ELAPOR1: variants seen among roughly 807,000 people sequenced by gnomAD.
ELAPOR1 encodes the protein endosome/lysosome-associated apoptosis and autophagy regulator 1.
Under a neutral mutation model 119.7 loss-of-function variants are expected in ELAPOR1, and 77 were observed. That is an observed-to-expected ratio of 0.64 (90% confidence interval 0.54 to 0.78). The LOEUF is 0.78. ELAPOR1 is among the 30% of genes least tolerant of loss of function. The pLI, the probability that ELAPOR1 is intolerant of heterozygous loss-of-function variation, is 0.00. For missense variants in ELAPOR1, 1,115 were observed against 1,270.4 expected, an observed-to-expected ratio of 0.88 and a Z score of 1.86; for synonymous variants, 481 against 487.2, an observed-to-expected ratio of 0.99 and a Z score of 0.17.
chr1:109,202,279 AT>A (rs1227159194), intron 21 of ELAPOR1, among the ~76,000 whole-genome samples: 136 of 143,330 alleles, frequency 9.5e-4, no homozygotes, highest in Admixed American at 9.8e-4. Flanking sequence ...CACCTGGCTA[AT>A]TTTTTTTTTT....
At chr1:109,131,704 C>T (rs146347852) in intron 1 of ELAPOR1, among the ~76,000 whole-genome samples, 7 of 152,188 alleles carry the variant, frequency 4.6e-5, no homozygotes, top group Admixed American at 1.3e-4. Flanking sequence ...GAGGGCTTTG[C>T]GTTTGCAACT....
In ELAPOR1 at chr1:109,200,718, ATCC is replaced by A. The variant is rs753860671; in HGVS notation, c.2808-12_2808-10del. 1.2e-6 allele frequency: 2 copies of A among 1,609,206 alleles called. No individual in the cohort carries two copies. The highest frequency in any genetic ancestry group is 1.7e-4 in the Middle Eastern group (1 of 6,038). ...CACATTTTGGGATCTTGTCTTTCCC[ATCC>A]TCCTGTTTTATAGACTAGAGTACAA... On this transcript the variant is annotated splice_polypyrimidine_tract_variant and intron_variant, in intron 20 of 21. Transcript: ENST00000369939.
At position 109,188,268 on chromosome 1, in the gene ELAPOR1, A is replaced by C. The variant is rs1316565338; in HGVS notation, c.1133A>C (p.His378Pro). Residue 378 changes from histidine (H) to proline (P), a missense_variant, in exon 9 of 22, where the codon CAC becomes CCC. Transcript: ENST00000369939. ...CTGCCTGCCTCTGGTGTGAAGACCCACTGCCCACCCTGCAACCCAGGCTTC... is the reference window on the plus strand; with the variant it reads ...CTGCCTGCCTCTGGTGTGAAGACCCCCTGCCCACCCTGCAACCCAGGCTTC... Reference protein sequence around the residue: ...VKLPASGVKTHCPPCNPGFFK... With the variant: ...VKLPASGVKTPCPPCNPGFFK... The C allele has an allele frequency of 2.5e-6, 4 of 1,614,154 alleles. No individual in the cohort carries two copies. The South Asian group carries it at 4.4e-5, about 18-fold the overall frequency.
chr1:109,164,733 G>A, intron 3 of ELAPOR1, 42 bp downstream of exon 3: 1 of 1,569,158 alleles, frequency 6.4e-7, no homozygotes. Flanking sequence ...AGCCCACTGG[G>A]TAAGGGGCTA....
At position 109,131,611 on chromosome 1, in the gene ELAPOR1, G is replaced by T; in HGVS notation, c.153+17275G>T. On this transcript the variant is annotated intron_variant, in intron 1 of 21. Transcript: ENST00000369939. ...ATGAATTGGTCCAGTGCTTGCCCTCGAGGGGTTTACAGGTTAGTGAGGGAA... is the reference window on the plus strand; with the variant it reads ...ATGAATTGGTCCAGTGCTTGCCCTCTAGGGGTTTACAGGTTAGTGAGGGAA... Among the ~76,000 whole-genome samples, 3 of 152,246 alleles carry T rather than the reference G, an allele frequency of 2.0e-5. 1 individual carries two copies. Among genetic ancestry groups the T allele is most frequent in the South Asian group, 2.1e-4 (1 of 4,826 alleles).
intron 7 of ELAPOR1, among the ~76,000 whole-genome samples, chr1:109,180,771 T>A (rs1335510397): frequency 6.6e-6 from 1 of 152,012 alleles, no homozygotes; most frequent in Non-Finnish European, 1.5e-5. Context: ...TTGAGACCAG[T>A]CTGGGTAATA....
intron 11 of ELAPOR1, among the ~76,000 whole-genome samples, chr1:109,189,970 G>GA (rs916859211): frequency 6.6e-6 from 1 of 151,398 alleles, no homozygotes; most frequent in Admixed American, 6.6e-5. Flanking sequence ...CTTAAGATTA[G>GA]AAAAAAAATA....
chr1:109,164,736 A>T, intron 3 of ELAPOR1, 45 bp downstream of exon 3: 1 of 1,538,218 alleles, frequency 6.5e-7, no homozygotes, highest in South Asian at 1.2e-5. Context: ...CCACTGGGTA[A>T]GGGGCTACAG....
chr1:109,189,768 C>T, intron 11 of ELAPOR1, 86 bp downstream of exon 11: 1 of 951,672 alleles, frequency 1.1e-6, no homozygotes, highest in South Asian at 1.4e-5. Flanking sequence ...GAGGAGAGGG[C>T]TTCCGGGGTT....
chr1:109,202,467 G>C (rs948490519), intron 21 of ELAPOR1, among the ~76,000 whole-genome samples: 1 of 145,538 alleles, frequency 6.9e-6, no homozygotes, highest in Admixed American at 6.9e-5. Context: ...TTGAGACAGA[G>C]TTTCGCTCTT....
intron 11 of ELAPOR1, 119 bp from the exon 12 acceptor site, chr1:109,191,247 C>T (rs1053670588): frequency 1.2e-5 from 8 of 659,126 alleles, no homozygotes; most frequent in African/African-American, 3.6e-5. Flanking sequence ...TTAGTCCACA[C>T]GCTTTCCATC....
At chr1:109,130,280 G>T (rs879541837) in intron 1 of ELAPOR1, among the ~76,000 whole-genome samples, 3 of 152,142 alleles carry the variant, frequency 2.0e-5, no homozygotes, top group Non-Finnish European at 4.4e-5. Context: ...ACGTAGTATA[G>T]ACTCAATAAG....
intron 1 of ELAPOR1, among the ~76,000 whole-genome samples, chr1:109,143,035 C>T (rs763509983): frequency 3.9e-5 from 6 of 152,026 alleles, no homozygotes; most frequent in African/African-American, 1.2e-4. Context: ...CTGCAACCTC[C>T]GGCTTCCGGG....
chr1:109,141,503 T>G (rs545994132), intron 1 of ELAPOR1, among the ~76,000 whole-genome samples: 9 of 150,762 alleles, frequency 6.0e-5, no homozygotes, highest in Non-Finnish European at 1.2e-4. Flanking sequence ...CATCGTGATC[T>G]GCCCGCCTCA....
rs148027376 is a variant in ELAPOR1 at position 109,152,587 on chromosome 1, C to A, written c.154-9307C>A. Among the ~76,000 whole-genome samples, 219 of 152,124 alleles carry A rather than the reference C, an allele frequency of 1.4e-3. 4 individuals are homozygous for A. The South Asian group carries it at 0.028, about 20-fold the overall frequency. ...TGTTAATGTTTTACTCAAATATAGC[C>A]ATTTATCAAAATTGTGGAGTTAATA... On this transcript the variant is annotated intron_variant, in intron 1 of 21. Coordinates refer to ENST00000369939, the MANE Select transcript of ELAPOR1 (RefSeq NM_020775.5).
At chr1:109,164,400 C>A in intron 2 of ELAPOR1, 99 bp from the exon 3 acceptor site, 1 of 1,015,970 alleles carries the variant, frequency 9.8e-7, no homozygotes, top group Non-Finnish European at 1.5e-6. Context: ...AACTCCTAGA[C>A]CCCAACCCAG....
At chr1:109,123,376 A>G (rs1242421727) in intron 1 of ELAPOR1, among the ~76,000 whole-genome samples, 1 of 152,252 alleles carries the variant, frequency 6.6e-6, no homozygotes, top group Non-Finnish European at 1.5e-5. Context: ...CCTACTTTAC[A>G]GTATGCCACA....
At chr1:109,171,605 G>GTAGC (rs1651932229) in intron 3 of ELAPOR1, among the ~76,000 whole-genome samples, 1 of 152,036 alleles carries the variant, frequency 6.6e-6, no homozygotes, top group African/African-American at 2.4e-5. Context: ...CGTATCCCAG[G>GTAGC]TAGCTCTGCA....
chr1:109,169,518 C>T lies in ELAPOR1; in HGVS notation c.468-2348C>T, dbSNP rs538091711. Among the ~76,000 whole-genome samples, 296 of 152,194 alleles carry T rather than the reference C, an allele frequency of 1.9e-3. 1 individual carries two copies. Among genetic ancestry groups the T allele is most frequent in the South Asian group, 0.016 (76 of 4,808 alleles). On this transcript the variant is annotated intron_variant, in intron 3 of 21. Coordinates refer to ENST00000369939, the MANE Select transcript of ELAPOR1 (RefSeq NM_020775.5). The stretch of plus-strand genomic sequence containing the variant: ...CCCGCCTCAGCCTCCCAAAGTGCTG[C>T]GATTACAGGCATGAGCCACCACGCC...
Sources: allele counts gnomAD v4.1 joint callset (sites outside exome capture counted in the v4.1 genomes callset), GRCh38; gene constraint gnomAD v4.1.1; transcripts MANE v1.5; gene names NCBI Gene and HGNC (gene_info 2026-07-23, HGNC 2026-07-21).